ZNF536: variants seen among roughly 807,000 people sequenced by gnomAD.
ZNF536 encodes zinc finger protein 536.
Under a neutral mutation model 84.5 loss-of-function variants are expected in ZNF536, and 13 were observed. The ratio of observed to expected loss-of-function variants is 0.15; its 90% CI spans 0.10 to 0.24. ZNF536 has a LOEUF of 0.24. Ranked by LOEUF, ZNF536 falls within the 10% of genes least tolerant of loss-of-function variation. ZNF536 has a pLI of 1.00. For missense variants in ZNF536, 1,536 were observed against 1,747.5 expected (o/e 0.88, Z 2.16); for synonymous variants, 811 against 742.5 (o/e 1.09, Z -1.50).
intron 1 of ZNF536, among the ~76,000 whole-genome samples, chr19:30,623,343 C>A (rs1350344704): frequency 6.6e-6 from 1 of 152,232 alleles, no homozygotes; most frequent in East Asian, 1.9e-4. Context: ...CTGAGTGATT[C>A]TCTTAAATGT....
chr19:30,506,097 A>T (rs993885383), intron 2 of ZNF536, among the ~76,000 whole-genome samples: 1 of 151,830 alleles, frequency 6.6e-6, no homozygotes, highest in Admixed American at 6.6e-5. Context: ...TATTTACAGC[A>T]GCAGGTAGAG....
intron 1 of ZNF536, among the ~76,000 whole-genome samples, chr19:30,632,673 A>T (rs2048935569): frequency 6.6e-6 from 1 of 151,562 alleles, no homozygotes; most frequent in Non-Finnish European, 1.5e-5. Flanking sequence ...CAACCAACCA[A>T]CCAACCAACC....
intron 1 of ZNF536, among the ~76,000 whole-genome samples, chr19:30,373,737 G>A (rs922395666): frequency 1.3e-5 from 2 of 152,252 alleles, no homozygotes; most frequent in Admixed American, 6.5e-5. Context: ...TCTGGGAGCA[G>A]CTGGAGAGAA....
At chr19:30,498,878 C>T (rs1364605588) in intron 2 of ZNF536, among the ~76,000 whole-genome samples, 1 of 152,070 alleles carries the variant, frequency 6.6e-6, no homozygotes, top group Non-Finnish European at 1.5e-5. Context: ...AAGTAGGCAG[C>T]GAGCATGCAG....
chr19:30,288,069 TC>T (rs1298500236), intron 2 of ZNF536, among the ~76,000 whole-genome samples: 2 of 152,230 alleles, frequency 1.3e-5, no homozygotes, highest in Non-Finnish European at 2.9e-5. Context: ...CTAGGCAACC[TC>T]TGTGAACTGA....
At chr19:30,317,515 C>T (rs2046720286) in intron 2 of ZNF536, among the ~76,000 whole-genome samples, 2 of 152,154 alleles carry the variant, frequency 1.3e-5, no homozygotes, top group Non-Finnish European at 2.9e-5. Context: ...GGAGTGGGTG[C>T]CTCTGTTTTC....
At chr19:30,544,549 G>T (rs896874108) in intron 3 of ZNF536, among the ~76,000 whole-genome samples, 3 of 152,256 alleles carry the variant, frequency 2.0e-5, no homozygotes, top group Admixed American at 1.3e-4. Context: ...GAGTGTGAGA[G>T]TGCGTGTGCG....
chr19:30,619,271 C>G (rs749318999), intron 1 of ZNF536, among the ~76,000 whole-genome samples: 2 of 152,004 alleles, frequency 1.3e-5, no homozygotes, highest in Non-Finnish European at 2.9e-5. Flanking sequence ...GTTTGATGGG[C>G]AATGCCTTCT....
chr19:30,300,714 G>A (rs919151883), intron 2 of ZNF536: 7 of 152,166 alleles, frequency 4.6e-5, no homozygotes. Context: ...AGGAACTCAG[G>A]GCAGAGCCCA....
intron 2 of ZNF536, among the ~76,000 whole-genome samples, chr19:30,348,962 G>A (rs2146677940): frequency 6.6e-6 from 1 of 152,216 alleles, no homozygotes; most frequent in Middle Eastern, 3.4e-3. Context: ...AGAATTCCTG[G>A]CAATCGTAAT....
intron 1 of ZNF536, among the ~76,000 whole-genome samples, chr19:30,623,040 G>GTTTTTTTTTT (rs778168856): frequency 1.2e-4 from 12 of 99,306 alleles, no homozygotes; most frequent in African/African-American, 2.2e-4. Context: ...TTGTTTTTTT[G>GTTTTTTTTTT]TTTTTTTGTT....
intron 2 of ZNF536, among the ~76,000 whole-genome samples, chr19:30,467,406 G>C (rs779323953): frequency 2.2e-4 from 34 of 152,254 alleles, no homozygotes; most frequent in Non-Finnish European, 4.4e-4. Flanking sequence ...GCTTAGCATG[G>C]CCTCCTCAAG....
intron 1 of ZNF536, among the ~76,000 whole-genome samples, chr19:30,641,103 A>G (rs2049251904): frequency 6.6e-6 from 1 of 152,258 alleles, no homozygotes; most frequent in Admixed American, 6.5e-5. Flanking sequence ...ACATTTTACC[A>G]TGTTCGTGAG....
intron 2 of ZNF536, among the ~76,000 whole-genome samples, chr19:30,340,783 G>C (rs574637053): frequency 1.3e-5 from 2 of 152,322 alleles, no homozygotes; most frequent in East Asian, 3.9e-4. Context: ...CATTGAGGTT[G>C]CAGGTATACA....
chr19:30,532,418 A>G (rs540038419), intron 2 of ZNF536, among the ~76,000 whole-genome samples: 95 of 152,260 alleles, frequency 6.2e-4, no homozygotes, highest in Non-Finnish European at 1.2e-3. Context: ...GACATAAGCC[A>G]CCATGCCCGG....
At chr19:30,281,861 A>G (rs8105971) in intron 1 of ZNF536, among the ~76,000 whole-genome samples, 47,399 of 151,940 alleles carry the variant, frequency 0.31, 10,176 homozygotes, top group East Asian at 0.63. Flanking sequence ...AACTGGGCTC[A>G]TGGACAGAGT....
chr19:30,330,506 A>C (rs1002111163), intron 2 of ZNF536, among the ~76,000 whole-genome samples: 8 of 152,318 alleles, frequency 5.3e-5, no homozygotes, highest in African/African-American at 1.9e-4. Flanking sequence ...AGGCCTCGTT[A>C]CAAGCCTTGC....
intron 2 of ZNF536, among the ~76,000 whole-genome samples, chr19:30,296,494 G>A (rs2145870304): frequency 6.6e-6 from 1 of 152,296 alleles, no homozygotes; most frequent in South Asian, 2.1e-4. Context: ...CTTTTGTATG[G>A]CTCTTGACAG....
intron 2 of ZNF536, among the ~76,000 whole-genome samples, chr19:30,474,256 G>T (rs547469143): frequency 6.6e-6 from 1 of 152,094 alleles, no homozygotes; most frequent in Admixed American, 6.5e-5. Flanking sequence ...GGCCTTGGAC[G>T]CCAGGCAAGG....
Sources: gnomAD v4.1 joint callset for allele counts (sites outside exome capture counted in the v4.1 genomes callset) on GRCh38, gnomAD v4.1.1 for gene constraint, MANE v1.5 for transcripts, NCBI Gene and HGNC (gene_info 2026-07-23, HGNC 2026-07-21) for gene names.